Variants in ASTN2 observed in about 807,000 individuals in gnomAD.
The protein encoded by ASTN2 is astrotactin 2.
A neutral mutation model predicts 139.8 loss-of-function variants in ASTN2; 54 were observed. That is an observed-to-expected ratio of 0.39 (90% CI 0.31 to 0.48). The LOEUF (loss-of-function observed/expected upper bound fraction) is 0.48, where lower values mean the gene tolerates loss of function less well. ASTN2 is among the 20% of genes least tolerant of loss of function. The pLI, the probability that ASTN2 is intolerant of heterozygous loss-of-function variation, is 0.95. For synonymous variants in ASTN2, 756 were observed against 719.5 expected, an observed-to-expected ratio of 1.05 and a Z score of -0.81; for missense variants, 1,565 against 1,725.1, an observed-to-expected ratio of 0.91 and a Z score of 1.64.
At chr9:116,747,136 G>A (rs1458198942) in intron 13 of ASTN2, among the ~76,000 whole-genome samples, 3 of 152,092 alleles carry the variant, frequency 2.0e-5, no homozygotes, top group Non-Finnish European at 2.9e-5. Flanking sequence ...CATCGTTTAC[G>A]ACGTGCTAGA....
intron 16 of ASTN2, among the ~76,000 whole-genome samples, chr9:116,666,032 G>A (rs2131972767): frequency 6.6e-6 from 1 of 152,292 alleles, no homozygotes; most frequent in Non-Finnish European, 1.5e-5. Flanking sequence ...AATAAGAGCA[G>A]TAATAATGAC....
chr9:116,504,726 A>T lies in ASTN2; in HGVS notation c.3356-17226T>A, dbSNP rs574167088. On this transcript the variant is annotated intron_variant, in intron 19 of 22. Coordinates refer to ENST00000313400, the MANE Select transcript of ASTN2 (RefSeq NM_001365068.1). The stretch of plus-strand genomic sequence containing the variant: ...AGCCTGGGCGACATAGTAAGACCTC[A>T]TCTCTACAAAAGTACAAAAATTAAC... Among the ~76,000 whole-genome samples, 3 of 152,088 alleles carry T rather than the reference A, an allele frequency of 2.0e-5. No homozygotes were observed. The East Asian group carries it at 5.8e-4, about 29-fold the overall frequency.
intron 13 of ASTN2, among the ~76,000 whole-genome samples, chr9:116,767,862 A>T (rs1295867483): frequency 1.3e-5 from 2 of 152,168 alleles, no homozygotes; most frequent in Non-Finnish European, 2.9e-5. Flanking sequence ...AGAAGGAAGA[A>T]AGTCCTCCAT....
At chr9:116,765,058 A>G (rs959316890) in intron 13 of ASTN2, among the ~76,000 whole-genome samples, 1 of 152,080 alleles carries the variant, frequency 6.6e-6, no homozygotes, top group African/African-American at 2.4e-5. Flanking sequence ...AAATGCTGAT[A>G]CCTCTACAAA....
intron 7 of ASTN2, among the ~76,000 whole-genome samples, chr9:117,003,991 G>A (rs140645204): frequency 1.8e-4 from 26 of 146,978 alleles, no homozygotes; most frequent in African/African-American, 3.1e-4. Context: ...GCGTGTTGGG[G>A]TACTGGTTAG....
chr9:116,552,932 G>C (rs1564110585), intron 19 of ASTN2, among the ~76,000 whole-genome samples: 1 of 152,210 alleles, frequency 6.6e-6, no homozygotes, highest in Non-Finnish European at 1.5e-5. Context: ...GTGATGAAGA[G>C]AATGGGAAAG....
intron 7 of ASTN2, among the ~76,000 whole-genome samples, chr9:116,979,191 A>C (rs975293048): frequency 6.6e-6 from 1 of 152,216 alleles, no homozygotes; most frequent in African/African-American, 2.4e-5. Flanking sequence ...TGCCTGAACA[A>C]AAATGGTAGT....
At chr9:117,301,132 A>C (rs1834865884) in intron 1 of ASTN2, among the ~76,000 whole-genome samples, 2 of 152,036 alleles carry the variant, frequency 1.3e-5, no homozygotes, top group South Asian at 4.1e-4. Flanking sequence ...ATTGATTCTC[A>C]TTACTCCTAG....
chr9:116,814,977 T>C (rs926897294), intron 12 of ASTN2, among the ~76,000 whole-genome samples: 2 of 152,210 alleles, frequency 1.3e-5, no homozygotes, highest in South Asian at 4.1e-4. Context: ...GACAAGAACC[T>C]GGCATGAAAG....
At chr9:116,845,405 G>T (rs1484015670) in intron 11 of ASTN2, among the ~76,000 whole-genome samples, 6 of 152,136 alleles carry the variant, frequency 3.9e-5, no homozygotes, top group African/African-American at 7.2e-5. Context: ...TCTTGTGGAG[G>T]CACCAAGAAG....
At chr9:116,653,636 G>C (rs894738887) in intron 16 of ASTN2, among the ~76,000 whole-genome samples, 1 of 152,232 alleles carries the variant, frequency 6.6e-6, no homozygotes, top group Non-Finnish European at 1.5e-5. Context: ...TGCCTCAGTG[G>C]AAATAGGGGC....
chr9:116,682,866 G>T (rs1452789528), intron 16 of ASTN2, among the ~76,000 whole-genome samples: 1 of 151,984 alleles, frequency 6.6e-6, no homozygotes, highest in Non-Finnish European at 1.5e-5. Flanking sequence ...TCACACTCTG[G>T]GGACTGTTGT....
At chr9:116,461,866 C>T (rs1196540062) in intron 20 of ASTN2, among the ~76,000 whole-genome samples, 1 of 152,158 alleles carries the variant, frequency 6.6e-6, no homozygotes, top group Non-Finnish European at 1.5e-5. Context: ...ACGCATGCCT[C>T]ATTCACAGAT....
chr9:116,858,959 C>T (rs1229112023), intron 11 of ASTN2, among the ~76,000 whole-genome samples: 1 of 152,176 alleles, frequency 6.6e-6, no homozygotes, highest in African/African-American at 2.4e-5. Flanking sequence ...ACTTGGGTCT[C>T]AATGGGCTAA....
At chr9:116,437,378 T>C (rs1220104574) in intron 22 of ASTN2, 2 of 471,196 alleles carry the variant, frequency 4.2e-6, no homozygotes, top group South Asian at 3.1e-5. Flanking sequence ...GTTGGAGCAA[T>C]CTCAGATATC....
chr9:117,330,431 C>A (rs984287613), intron 1 of ASTN2, among the ~76,000 whole-genome samples: 2 of 152,178 alleles, frequency 1.3e-5, no homozygotes, highest in African/African-American at 4.8e-5. Flanking sequence ...ACTCCCTGAG[C>A]ATTGGTTTGT....
intron 7 of ASTN2, among the ~76,000 whole-genome samples, chr9:116,996,143 G>T (rs889270115): frequency 6.6e-6 from 1 of 151,802 alleles, no homozygotes; most frequent in African/African-American, 2.4e-5. Flanking sequence ...TCCCACCTTG[G>T]CCTCCCAAAG....
chr9:116,749,206 CAAT>C (rs1288822595), intron 13 of ASTN2, among the ~76,000 whole-genome samples: 1 of 152,174 alleles, frequency 6.6e-6, no homozygotes, highest in African/African-American at 2.4e-5. Context: ...AGCAGGCTCT[CAAT>C]AAATGGCAGC....
chr9:117,240,519 C>G (rs1833173807), intron 2 of ASTN2, among the ~76,000 whole-genome samples: 1 of 152,122 alleles, frequency 6.6e-6, no homozygotes, highest in African/African-American at 2.4e-5. Flanking sequence ...AGAAAGGGGA[C>G]AGGAGAAAGA....
Sources: gnomAD v4.1 joint callset for allele counts (sites outside exome capture counted in the v4.1 genomes callset) on GRCh38, gnomAD v4.1.1 for gene constraint, MANE v1.5 for transcripts, NCBI Gene and HGNC (gene_info 2026-07-23, HGNC 2026-07-21) for gene names.